The following RAD18 variants were observed in gnomAD, a reference collection of about 807,000 sequenced individuals.
RAD18 encodes E3 ubiquitin-protein ligase RAD18.
In RAD18, 47 loss-of-function variants were observed where a neutral mutation model predicts 60.4. That is an observed-to-expected ratio of 0.78 (90% CI 0.62 to 0.99). The LOEUF (loss-of-function observed/expected upper bound fraction) is 0.99, where lower values mean the gene tolerates loss of function less well. RAD18 is among the 50% of genes least tolerant of loss of function. The pLI is 0.00. For synonymous variants in RAD18, 225 were observed against 195.5 expected, an observed-to-expected ratio of 1.15 and a Z score of -1.26; for missense variants, 640 against 593.3, an observed-to-expected ratio of 1.08 and a Z score of -0.82.
chr3:8,933,817 A>C (rs1940604353), intron 7 of RAD18, among the ~76,000 whole-genome samples: 1 of 152,224 alleles, frequency 6.6e-6, no homozygotes, highest in African/African-American at 2.4e-5. Context: ...ATATGGAAAT[A>C]CAAAAGGCCT....
chr3:8,926,030 C>G (rs1169458478), intron 7 of RAD18, among the ~76,000 whole-genome samples: 1 of 151,554 alleles, frequency 6.6e-6, no homozygotes, highest in East Asian at 1.9e-4. Flanking sequence ...CTCACCACTC[C>G]TATTCAACAT....
intron 11 of RAD18, among the ~76,000 whole-genome samples, chr3:8,897,674 C>T (rs528897319): frequency 1.6e-4 from 24 of 152,208 alleles, no homozygotes; most frequent in Admixed American, 2.6e-4. Context: ...TAAGTTTCAG[C>T]GTCATTAAAT....
chr3:8,926,866 C>T (rs2125061321), intron 7 of RAD18, among the ~76,000 whole-genome samples: 1 of 152,204 alleles, frequency 6.6e-6, no homozygotes, highest in South Asian at 2.1e-4. Flanking sequence ...ATGTAGAAAG[C>T]TGAAACTGGA....
At chr3:8,912,290 T>C in intron 9 of RAD18, 22 bp downstream of exon 9, 1 of 1,506,440 alleles carries the variant, frequency 6.6e-7, no homozygotes, top group Non-Finnish European at 9.0e-7. Context: ...CTTTACAAAT[T>C]AAATAAAGTC....
intron 9 of RAD18, among the ~76,000 whole-genome samples, chr3:8,910,161 C>T (rs916533191): frequency 4.6e-5 from 7 of 151,952 alleles, no homozygotes; most frequent in African/African-American, 1.7e-4. Context: ...TAGGGGTGGC[C>T]CTAGGAGAGA....
At chr3:8,890,166 C>A (rs563827795) in intron 12 of RAD18, 1 of 531,172 alleles carries the variant, frequency 1.9e-6, no homozygotes, top group East Asian at 3.1e-5. Flanking sequence ...TTTATCCATA[C>A]AGAAATAACA....
At chr3:8,902,734 CA>C (rs1028502545) in intron 9 of RAD18, among the ~76,000 whole-genome samples, 3 of 151,556 alleles carry the variant, frequency 2.0e-5, no homozygotes, top group Non-Finnish European at 2.9e-5. Flanking sequence ...ACTAAAAATA[CA>C]AAAAAAATTA....
intron 11 of RAD18, among the ~76,000 whole-genome samples, chr3:8,898,383 T>TGTGCATGC (rs1246922787): frequency 7.7e-5 from 1 of 12,968 alleles, no homozygotes; most frequent in African/African-American, 1.0e-4. Context: ...TGTGCATGCG[T>TGTGCATGC]GTGTGTGTGT....
chr3:8,883,182 C>CTG (rs1358933764), intron 12 of RAD18, among the ~76,000 whole-genome samples: 2 of 152,022 alleles, frequency 1.3e-5, no homozygotes, highest in Non-Finnish European at 1.5e-5. Context: ...ACTGTAATAC[C>CTG]TGGAAGAAAG....
chr3:8,930,818 T>C (rs999371648), intron 7 of RAD18, among the ~76,000 whole-genome samples: 1 of 152,146 alleles, frequency 6.6e-6, no homozygotes. Flanking sequence ...AGAACATATA[T>C]TGATGCAATA....
At chr3:8,883,122 T>A (rs968357657) in intron 12 of RAD18, among the ~76,000 whole-genome samples, 1 of 152,106 alleles carries the variant, frequency 6.6e-6, no homozygotes, top group African/African-American at 2.4e-5. Flanking sequence ...GCACATAGAA[T>A]AGAGCAGCCA....
chr3:8,909,090 G>C (rs1940063111), intron 9 of RAD18, among the ~76,000 whole-genome samples: 2 of 152,182 alleles, frequency 1.3e-5, no homozygotes, highest in South Asian at 4.1e-4. Flanking sequence ...ATTAGAGAAA[G>C]AGATAGTTCC....
At position 8,956,272 on chromosome 3, in the gene RAD18, C is replaced by T. The variant is rs371886181; in HGVS notation, c.133+2648G>A. On this transcript the variant is annotated intron_variant, in intron 2 of 12. Transcript: ENST00000264926. ...TGGGGCTACTATTAAGTAAAATAAG[C>T]GCTACTTGACACAATTACTGTGTTC... Among the ~76,000 whole-genome samples, 8 of 152,276 alleles carry T rather than the reference C, an allele frequency of 5.3e-5. No individual in the cohort carries two copies. The East Asian group carries it at 9.6e-4, about 18-fold the overall frequency.
At chr3:8,893,023 G>A (rs374059746) in intron 11 of RAD18, among the ~76,000 whole-genome samples, 1 of 152,154 alleles carries the variant, frequency 6.6e-6, no homozygotes, top group Non-Finnish European at 1.5e-5. Flanking sequence ...AGCTTGGTAC[G>A]CAGTAAATGT....
intron 7 of RAD18, among the ~76,000 whole-genome samples, chr3:8,925,014 A>G (rs1940405704): frequency 6.6e-6 from 1 of 151,940 alleles, no homozygotes; most frequent in African/African-American, 2.4e-5. Flanking sequence ...GAGAAGCAAG[A>G]GCAAACACAT....
At position 8,881,209 on chromosome 3, in the gene RAD18, G is replaced by T; in HGVS notation, c.*148C>A. Reference sequence around the variant, plus strand: ...TATTTTGTAACATTTTTCCCCTCTGGAAAAGCAGAAAAGAATGAATATCAG... The same window carrying T: ...TATTTTGTAACATTTTTCCCCTCTGTAAAAGCAGAAAAGAATGAATATCAG... On this transcript the variant is annotated 3_prime_UTR_variant, in exon 13 of 13. Coordinates refer to ENST00000264926, the MANE Select transcript of RAD18 (RefSeq NM_020165.4). The T allele has an allele frequency of 1.5e-6, 1 of 674,956 alleles. No homozygotes were observed. Among genetic ancestry groups the T allele is most frequent in the Non-Finnish European group, 2.4e-6 (1 of 412,988 alleles). 41.8% of individuals were successfully genotyped at this position (674,956 alleles called of 1,614,324 possible).
chr3:8,921,211 G>C (rs955091410), intron 7 of RAD18, among the ~76,000 whole-genome samples: 1 of 152,004 alleles, frequency 6.6e-6, no homozygotes, highest in African/African-American at 2.4e-5. Context: ...CTGTACAAAG[G>C]GTACAGTCTA....
At chr3:8,961,185 T>C (rs995414458) in intron 1 of RAD18, among the ~76,000 whole-genome samples, 8 of 152,186 alleles carry the variant, frequency 5.3e-5, no homozygotes, top group Admixed American at 5.2e-4. Flanking sequence ...ATGAGCCATT[T>C]CTGGTTCAAA....
chr3:8,939,145 A>T (rs1291681222), intron 6 of RAD18, among the ~76,000 whole-genome samples: 1 of 152,094 alleles, frequency 6.6e-6, no homozygotes, highest in East Asian at 1.9e-4. Flanking sequence ...ATTCAATTTT[A>T]AATTTTAAAA....
Sources: gnomAD v4.1 joint callset for allele counts (sites outside exome capture counted in the v4.1 genomes callset) on GRCh38, gnomAD v4.1.1 for gene constraint, MANE v1.5 for transcripts, NCBI Gene and HGNC (gene_info 2026-07-23, HGNC 2026-07-21) for gene names.